The following KIF13B variants were observed in gnomAD, a reference collection of about 807,000 sequenced individuals.
KIF13B encodes the protein kinesin-like protein KIF13B.
KIF13B carries 127 observed loss-of-function variants against 222.0 expected under a neutral mutation model. The ratio of observed to expected loss-of-function variants is 0.57; its 90% CI spans 0.50 to 0.66. The LOEUF (loss-of-function observed/expected upper bound fraction) is 0.66. Among genes scored for constraint, KIF13B ranks in the 30% least tolerant of loss-of-function variants. The pLI is 0.00. For missense variants in KIF13B, 2,173 were observed against 2,379.0 expected (o/e 0.91, Z 1.80); for synonymous variants, 976 against 919.0 (o/e 1.06, Z -1.12).
intron 8 of KIF13B, among the ~76,000 whole-genome samples, chr8:29,179,719 G>T (rs534073345): frequency 2.0e-5 from 3 of 152,310 alleles, no homozygotes; most frequent in Middle Eastern, 3.4e-3. Flanking sequence ...AGGGTGCTAC[G>T]AGGCAGCAGC....
At chr8:29,125,475 G>A (rs1405737101) in intron 26 of KIF13B, among the ~76,000 whole-genome samples, 1 of 152,138 alleles carries the variant, frequency 6.6e-6, no homozygotes, top group Admixed American at 6.6e-5. Context: ...TATCACATCC[G>A]AAGAATAGTG....
At chr8:29,136,297 G>A (rs1164653473) in intron 21 of KIF13B, among the ~76,000 whole-genome samples, 2 of 152,144 alleles carry the variant, frequency 1.3e-5, no homozygotes, top group East Asian at 1.9e-4. Flanking sequence ...TAAATATCTC[G>A]GCCAGGCGTG....
chr8:29,259,387 C>A (rs921199164), intron 1 of KIF13B, among the ~76,000 whole-genome samples: 1 of 152,198 alleles, frequency 6.6e-6, no homozygotes, highest in African/African-American at 2.4e-5. Context: ...ATCTTCATTT[C>A]TTTCGTTTCC....
intron 2 of KIF13B, among the ~76,000 whole-genome samples, chr8:29,230,089 C>T (rs938443852): frequency 1.3e-5 from 2 of 152,186 alleles, no homozygotes; most frequent in African/African-American, 4.8e-5. Context: ...AAATAACTCA[C>T]TCATGCCCAC....
At chr8:29,091,248 G>A (rs1270661920) in intron 37 of KIF13B, among the ~76,000 whole-genome samples, 1 of 152,206 alleles carries the variant, frequency 6.6e-6, no homozygotes, top group Non-Finnish European at 1.5e-5. Context: ...TCCAGAGAGA[G>A]CTAATCACTC....
chr8:29,124,898 A>C (rs1810039943), intron 26 of KIF13B, among the ~76,000 whole-genome samples: 1 of 151,870 alleles, frequency 6.6e-6, no homozygotes. Flanking sequence ...AAAAAAAAAA[A>C]AATTAGCTGG....
At position 29,134,045 on chromosome 8, in the gene KIF13B, A is replaced by G. The variant is rs745515201; in HGVS notation, c.2779T>C (p.Cys927Arg). ...ACTCTGGAAAACAAACTCACATTGC[A>G]ATGATCAAAGACAACCATGCAGTGC... is the stretch of plus-strand genomic sequence containing the variant. ...EPHCMVVFDHCNEFSVNITED... is the reference protein window; with the variant it reads ...EPHCMVVFDHRNEFSVNITED... Residue 927 changes from cysteine (C) to arginine (R), a missense_variant, in exon 22 of 40, where the codon TGC becomes CGC. Around this residue, in one of 2 missense-constraint regions of KIF13B, gnomAD observed 1,480 missense variants for 1,722.8 expected, o/e 0.86. Coordinates refer to ENST00000524189, the MANE Select transcript of KIF13B (RefSeq NM_015254.4). The G allele has an allele frequency of 3.1e-6, 5 of 1,612,324 alleles. No individual in the cohort carries two copies. The highest frequency in any genetic ancestry group is 4.2e-6 in the Non-Finnish European group (5 of 1,179,230).
intron 24 of KIF13B, among the ~76,000 whole-genome samples, chr8:29,127,624 C>T (rs191506828): frequency 5.3e-4 from 80 of 152,270 alleles, no homozygotes; most frequent in Admixed American, 1.0e-3. Flanking sequence ...TTTTCACTTC[C>T]TAAATTGGCA....
intron 32 of KIF13B, among the ~76,000 whole-genome samples, chr8:29,110,342 T>C (rs1477361867): frequency 6.6e-6 from 1 of 152,122 alleles, no homozygotes; most frequent in African/African-American, 2.4e-5. Context: ...AAAAAACCCA[T>C]GACTGGTTAG....
At chr8:29,107,909 G>A (rs550503482) in intron 35 of KIF13B, among the ~76,000 whole-genome samples, 7 of 152,278 alleles carry the variant, frequency 4.6e-5, no homozygotes, top group South Asian at 2.1e-4. Context: ...ACAGAAGTAC[G>A]AGCTTTAGCA....
At chr8:29,081,584 A>G (rs752904611) in intron 37 of KIF13B, among the ~76,000 whole-genome samples, 23 of 152,236 alleles carry the variant, frequency 1.5e-4, no homozygotes, top group Non-Finnish European at 2.9e-4. Context: ...GACTTTGTAC[A>G]GAAAGAAGGA....
intron 2 of KIF13B, among the ~76,000 whole-genome samples, chr8:29,235,145 A>G (rs1196265514): frequency 6.6e-6 from 1 of 152,222 alleles, no homozygotes; most frequent in African/African-American, 2.4e-5. Context: ...AACTTAAAAT[A>G]TAACCTAGCT....
chr8:29,238,153 A>T (rs1047093491), intron 2 of KIF13B, among the ~76,000 whole-genome samples: 3 of 152,222 alleles, frequency 2.0e-5, no homozygotes, highest in African/African-American at 7.2e-5. Context: ...TAAAATCGCT[A>T]TTTAAATTAG....
intron 6 of KIF13B, among the ~76,000 whole-genome samples, chr8:29,185,126 C>T (rs1001684651): frequency 1.3e-5 from 2 of 152,056 alleles, no homozygotes; most frequent in Admixed American, 6.6e-5. Context: ...TCCTACTCTC[C>T]GACCACACTG....
At chr8:29,160,260 G>A (rs1046896282) in intron 13 of KIF13B, among the ~76,000 whole-genome samples, 1 of 152,072 alleles carries the variant, frequency 6.6e-6, no homozygotes, top group East Asian at 1.9e-4. Flanking sequence ...TTAATAGATT[G>A]ATAACCCAAA....
Position 29,167,567 on chromosome 8 carries a change from T to C in KIF13B, c.964A>G (p.Ser322Gly). Residue 322 changes from serine to glycine, a missense_variant, in exon 11 of 40, where the codon AGC becomes GGC. Physicochemically the swap from Ser to Gly is moderately conservative, Grantham distance 56. Coordinates refer to ENST00000524189, the MANE Select transcript of KIF13B (RefSeq NM_015254.4). ...ACAGTAGCCACCATGGCGGTCTTGC[T>C]GTTACCCCCGAGGCTGTCCTACAGG... ...WLLKDSLGGN[S>G]KTAMVATVSP... The C allele has an allele frequency of 1.2e-6, 2 of 1,614,006 alleles. No individual in the cohort carries two copies. The highest frequency in any genetic ancestry group is 1.7e-6 in the Non-Finnish European group (2 of 1,179,850).
chr8:29,180,207 T>G lies in KIF13B; in HGVS notation c.617A>C (p.Lys206Thr). The G allele has an allele frequency of 6.2e-7, 1 of 1,614,004 alleles. No individual in the cohort carries two copies. The highest frequency in any genetic ancestry group is 1.1e-5 in the South Asian group (1 of 91,082). ...DIESLMSEGN[K>T]SRTVAATNMN... Reference sequence around the variant, plus strand: ...GTTGGTTGCAGCAACTGTGCGAGATTTGTTACCCTCAGACATCAACGACTC... The same window carrying G: ...GTTGGTTGCAGCAACTGTGCGAGATGTGTTACCCTCAGACATCAACGACTC... Residue 206 changes from lysine (K) to threonine (T), a missense_variant, in exon 8 of 40, where the codon AAA (lysine) becomes ACA (threonine). Physicochemically the swap from Lys to Thr is moderately conservative, Grantham distance 78 (BLOSUM62 -1). Coordinates refer to ENST00000524189, the MANE Select transcript of KIF13B (RefSeq NM_015254.4).
chr8:29,168,637 G>A (rs995681619), intron 10 of KIF13B, among the ~76,000 whole-genome samples: 1 of 152,236 alleles, frequency 6.6e-6, no homozygotes. Context: ...CCACAGGCAC[G>A]AGTTTGGAAG....
chr8:29,225,920 T>C (rs1330078240), intron 2 of KIF13B, among the ~76,000 whole-genome samples: 1 of 152,208 alleles, frequency 6.6e-6, no homozygotes, highest in African/African-American at 2.4e-5. Context: ...TTGCTAGTAG[T>C]TTGCAAGAAC....
Sources: gnomAD v4.1 joint callset for allele counts (sites outside exome capture counted in the v4.1 genomes callset) on GRCh38, gnomAD v4.1.1 for gene constraint, gnomAD v4.1.1 regional missense constraint, MANE v1.5 for transcripts, NCBI Gene and HGNC (gene_info 2026-07-23, HGNC 2026-07-21) for gene names.